Variants in TNN observed in about 807,000 individuals in gnomAD.
The protein encoded by TNN is tenascin-N.
A neutral mutation model predicts 134.4 loss-of-function variants in TNN; 122 were observed. That is an observed-to-expected ratio of 0.91 (90% CI 0.78 to 1.06). The LOEUF (loss-of-function observed/expected upper bound fraction) is 1.06. Ranked by LOEUF, TNN falls within the 50% of genes least tolerant of loss-of-function variation. The pLI is 0.00. For synonymous variants in TNN, 710 were observed against 670.3 expected, an observed-to-expected ratio of 1.06 and a Z score of -0.91; for missense variants, 1,739 against 1,699.4, an observed-to-expected ratio of 1.02 and a Z score of -0.41.
chr1:175,138,428 G>T (rs1050692666), intron 17 of TNN, among the ~76,000 whole-genome samples: 2 of 152,064 alleles, frequency 1.3e-5, no homozygotes, highest in Non-Finnish European at 2.9e-5. Context: ...GTTCCATAGG[G>T]GTGAATGAAA....
At position 175,128,713 on chromosome 1, in the gene TNN, C is replaced by T. The variant is rs750135062; in HGVS notation, c.3297C>T (p.Tyr1099=). 5 of 1,613,864 alleles carry T rather than the reference C, an allele frequency of 3.1e-6. No individual in the cohort carries two copies. The highest frequency in any genetic ancestry group is 3.4e-6 in the Non-Finnish European group (4 of 1,179,870). ...HGDASRPLQV[Y]CDMETDGGGW... ...ATGCCAGCCGGCCCCTGCAGGTGTA[C>T]TGTGACATGGAAACGGACGGAGGTG... is the stretch of plus-strand genomic sequence containing the variant. The change falls in exon 15 of 19, where the codon TAC becomes TAT. Residue 1099 remains tyrosine (Y), a synonymous_variant. Coordinates refer to ENST00000239462, the MANE Select transcript of TNN (RefSeq NM_022093.2).
chr1:175,128,539 C>A, intron 14 of TNN, 56 bp from the exon 15 acceptor site: 2 of 1,516,712 alleles, frequency 1.3e-6, no homozygotes, highest in East Asian at 2.4e-5. Flanking sequence ...GGAAGAAACT[C>A]CACCTCTTTC....
intron 12 of TNN, among the ~76,000 whole-genome samples, chr1:175,126,170 T>C (rs1479808902): frequency 5.3e-5 from 8 of 151,070 alleles, no homozygotes; most frequent in Non-Finnish European, 1.0e-4. Context: ...GACGTGATCT[T>C]GGCTTACTGC....
chr1:175,127,884 C>G, intron 13 of TNN, 148 bp from the exon 14 acceptor site: 1 of 875,042 alleles, frequency 1.1e-6, no homozygotes, highest in Non-Finnish European at 1.8e-6. Flanking sequence ...CACTGCGATT[C>G]TGGGCTGCCA....
chr1:175,144,300 C>T (rs1372669109), intron 17 of TNN, 87 bp from the exon 18 acceptor site: 2 of 1,318,588 alleles, frequency 1.5e-6, no homozygotes, highest in East Asian at 2.3e-5. Flanking sequence ...CATTTTCATG[C>T]CTAGAGATCT....
chr1:175,124,362 A>G (rs1198466380), intron 12 of TNN, among the ~76,000 whole-genome samples: 1 of 152,242 alleles, frequency 6.6e-6, no homozygotes, highest in East Asian at 1.9e-4. Context: ...CAAACTAAAT[A>G]GAGACGTGTT....
At chr1:175,109,647 T>A (rs1181421755) in intron 9 of TNN, among the ~76,000 whole-genome samples, 1 of 149,864 alleles carries the variant, frequency 6.7e-6, no homozygotes, top group Non-Finnish European at 1.5e-5. Flanking sequence ...GGTATTCTGT[T>A]GTGTATGTAT....
At chr1:175,074,370 G>A (rs936180124) in intron 1 of TNN, among the ~76,000 whole-genome samples, 1 of 151,776 alleles carries the variant, frequency 6.6e-6, no homozygotes, top group Admixed American at 6.6e-5. Flanking sequence ...CTGTAGTCCC[G>A]GCTACTCAGG....
Position 175,102,893 on chromosome 1 carries a change from C to T in TNN, c.2119+4298C>T, listed in dbSNP as rs1451607966. On this transcript the variant is annotated intron_variant, in intron 9 of 18. Transcript: ENST00000239462. ...CCCCCCTCTAAACAGGACACCCCAACTGCTGTTGGCAATTTGGCCGATGAC... is the reference window on the plus strand; with the variant it reads ...CCCCCCTCTAAACAGGACACCCCAATTGCTGTTGGCAATTTGGCCGATGAC... Among the ~76,000 whole-genome samples, 3 of 146,200 alleles carry T rather than the reference C, an allele frequency of 2.1e-5. 1 individual carries two copies. Among genetic ancestry groups the T allele is most frequent in the Non-Finnish European group, 4.6e-5 (3 of 65,774 alleles).
chr1:175,118,531 G>A (rs569441620), intron 10 of TNN, 30 bp from the exon 11 acceptor site: 2 of 1,611,224 alleles, frequency 1.2e-6, no homozygotes, highest in Admixed American at 3.4e-5. Context: ...CCTGTTCATA[G>A]TGCATATTGG....
At chr1:175,089,979 AAC>A (rs1489232055) in intron 6 of TNN, among the ~76,000 whole-genome samples, 1 of 152,232 alleles carries the variant, frequency 6.6e-6, no homozygotes, top group Non-Finnish European at 1.5e-5. Flanking sequence ...CACAGCCACC[AAC>A]ACACACATTT....
chr1:175,123,820 G>A (rs1675444700), intron 12 of TNN, among the ~76,000 whole-genome samples, 157 bp downstream of exon 12: 1 of 150,792 alleles, frequency 6.6e-6, no homozygotes. Context: ...TAATTAAGTT[G>A]ACACAACAGC....
intron 4 of TNN, among the ~76,000 whole-genome samples, chr1:175,081,652 C>T (rs1053207934): frequency 3.9e-5 from 6 of 152,096 alleles, no homozygotes; most frequent in Non-Finnish European, 8.8e-5. Context: ...TTGTCAGTGC[C>T]CTCAAGCTAA....
intron 9 of TNN, among the ~76,000 whole-genome samples, chr1:175,100,509 G>A (rs986621764): frequency 3.3e-5 from 5 of 152,190 alleles, no homozygotes; most frequent in Non-Finnish European, 7.3e-5. Context: ...TTTATAGGGC[G>A]AAAATGATTG....
At chr1:175,072,520 C>A (rs1673936701) in intron 1 of TNN, among the ~76,000 whole-genome samples, 1 of 152,238 alleles carries the variant, frequency 6.6e-6, no homozygotes, top group African/African-American at 2.4e-5. Context: ...CCCCTCCCCA[C>A]CCTCGCGGAG....
intron 7 of TNN, among the ~76,000 whole-genome samples, chr1:175,096,929 A>C (rs958059379): frequency 8.5e-5 from 13 of 152,188 alleles, no homozygotes; most frequent in African/African-American, 3.1e-4. Flanking sequence ...GATACTATCA[A>C]TTAAAAAGTC....
chr1:175,123,715 C>T (rs771045602), intron 12 of TNN, 52 bp downstream of exon 12: 1 of 1,603,728 alleles, frequency 6.2e-7, no homozygotes, highest in Non-Finnish European at 8.5e-7. Flanking sequence ...CAGGAGAGAA[C>T]CTTCCTCCAT....
In TNN at chr1:175,097,630, G is replaced by C; in HGVS notation, c.1802G>C (p.Trp601Ser). ...GGTGTGGAGTACACAGTGCATGTCTGGGCCCAGAAGGGGGACCGAGAGAGC... is the reference window on the plus strand; with the variant it reads ...GGTGTGGAGTACACAGTGCATGTCTCGGCCCAGAAGGGGGACCGAGAGAGC... Reference protein sequence around the residue: ...RPGVEYTVHVWAQKGDRESKK... With the variant: ...RPGVEYTVHVSAQKGDRESKK... Residue 601 changes from tryptophan to serine, a missense_variant, in exon 8 of 19, where the codon TGG becomes TCG. Trp to Ser is a radical substitution (Grantham distance 177). Transcript: ENST00000239462. The C allele has an allele frequency of 6.2e-7, 1 of 1,614,214 alleles. No homozygotes were observed. The highest frequency in any genetic ancestry group is 2.2e-5 in the East Asian group (1 of 44,892).
Position 175,083,877 on chromosome 1 carries a change from G to A in TNN, c.1176G>A (p.Glu392=), listed in dbSNP as rs751113911. 5 of 1,614,182 alleles carry A rather than the reference G, an allele frequency of 3.1e-6. No homozygotes were observed. Among genetic ancestry groups the A allele is most frequent in the Non-Finnish European group, 4.2e-6 (5 of 1,180,026 alleles). Residue 392 remains glutamate, a synonymous_variant, in exon 5 of 19, where the codon GAG becomes GAA. Transcript: ENST00000239462. The part of the protein sequence containing the change: ...KLRYGPMTGQ[E]VAEVTVPKSS... ...GATATGGCCCCATGACAGGACAGGA[G>A]GTAGCTGAGGTCACTGTGCCCAAGA...
Sources: allele counts gnomAD v4.1 joint callset (sites outside exome capture counted in the v4.1 genomes callset), GRCh38; gene constraint gnomAD v4.1.1; transcripts MANE v1.5; gene names NCBI Gene and HGNC (gene_info 2026-07-23, HGNC 2026-07-21).